Variants in CASKIN2 observed in about 807,000 individuals in gnomAD.
CASKIN2 encodes CASK interacting protein 2, also known as caskin-2.
CASKIN2 carries 41 observed loss-of-function variants against 107.1 expected under a neutral mutation model. That is an observed-to-expected ratio of 0.38 (90% CI 0.30 to 0.50). The LOEUF (loss-of-function observed/expected upper bound fraction) is 0.50, where lower values mean the gene tolerates loss of function less well. Ranked by LOEUF, CASKIN2 falls within the 20% of genes least tolerant of loss-of-function variation. The pLI is 0.92. For missense variants in CASKIN2, 1,546 were observed against 1,657.4 expected (o/e 0.93, Z 1.17); for synonymous variants, 724 against 705.6 (o/e 1.03, Z -0.41).
intron 1 of CASKIN2, 35 bp downstream of exon 1, chr17:75,515,366 G>T (rs930992604): frequency 2.0e-5 from 3 of 152,262 alleles, no homozygotes; most frequent in African/African-American, 7.2e-5. Flanking sequence ...CGCCCCCAGG[G>T]GCGCTGACCC....
Position 75,504,817 on chromosome 17 carries a change from C to T in CASKIN2, c.1187G>A (p.Ser396Asn). The T allele has an allele frequency of 6.2e-7, 1 of 1,609,644 alleles. No individual in the cohort carries two copies. Among genetic ancestry groups the T allele is most frequent in the African/African-American group, 1.3e-5 (1 of 74,964 alleles). Residue 396 changes from serine to asparagine, a missense_variant, in exon 11 of 20, where the codon AGC becomes AAC. By Grantham distance (46) the Ser-to-Asn change is conservative (BLOSUM62 1). Coordinates refer to ENST00000321617, the MANE Select transcript of CASKIN2 (RefSeq NM_020753.5). ...QLPRVGLSPD[S>N]PAGDRNSVGS... Reference sequence around the variant, plus strand: ...TGCCCCCTGGGAGGATGTACCTGGGCTGTCTGGGCTGAGGCCCACCCGAGG... The same window carrying T: ...TGCCCCCTGGGAGGATGTACCTGGGTTGTCTGGGCTGAGGCCCACCCGAGG...
intron 2 of CASKIN2, among the ~76,000 whole-genome samples, chr17:75,511,403 G>A (rs1395375521): frequency 6.6e-6 from 1 of 152,180 alleles, no homozygotes; most frequent in Non-Finnish European, 1.5e-5. Context: ...GCAGAGCACA[G>A]GGGACAGGGT....
chr17:75,501,160 C>T lies in CASKIN2; in HGVS notation c.3529G>A (p.Ala1177Thr), dbSNP rs146703288. The change falls in exon 20 of 20, where the codon GCC becomes ACC. Residue 1177 changes from alanine (A) to threonine (T), a missense_variant. Physicochemically the swap from Ala to Thr is moderately conservative, Grantham distance 58. This residue lies in a region of CASKIN2 where 1,311 missense variants were observed against 1,311.0 expected (regional missense o/e 1.00). Transcript: ENST00000321617. ...GTKEQEGTPS[A>T]STKHILDDIS... is the part of the protein sequence containing the mutation. ...TCATCCAGAATGTGCTTGGTGGAGGCGCTGGGGGTGCTGCAGCAAGGGGAA... is the reference window on the plus strand; with the variant it reads ...TCATCCAGAATGTGCTTGGTGGAGGTGCTGGGGGTGCTGCAGCAAGGGGAA... The T allele has an allele frequency of 2.3e-5, 37 of 1,587,766 alleles. No individual in the cohort carries two copies. The African/African-American group carries it at 3.1e-4, about 13-fold the overall frequency.
rs2053263156 is a variant in CASKIN2, at chr17:75,506,182, C to T, written c.726+123G>A. ...GGCACCATTCAGAAGGAAGTCAGGC[C>T]TCTTTCCTGACGCCCATGCAAAAAC... On this transcript the variant is annotated intron_variant, in intron 8 of 19. Transcript: ENST00000321617. The surrounding 1 kb of genome is among the most constrained non-coding windows in gnomAD (Gnocchi z 4.8). 3 of 862,082 alleles carry T rather than the reference C, an allele frequency of 3.5e-6. No individual in the cohort carries two copies. Among genetic ancestry groups the T allele is most frequent in the African/African-American group, 1.7e-5 (1 of 59,588 alleles). The allele number at this position is 862,082 out of a possible 1,614,324, so 53.4% of individuals were successfully genotyped here. A position where few individuals can be genotyped will look rare whatever the true frequency, so the allele number is the denominator to read the frequency against.
Position 75,505,924 on chromosome 17 carries a change from A to G in CASKIN2, c.732T>C (p.Gly244=). 3 of 1,612,978 alleles carry G rather than the reference A, an allele frequency of 1.9e-6. No homozygotes were observed. The highest frequency in any genetic ancestry group is 2.5e-6 in the Non-Finnish European group (3 of 1,179,748). ...TEVVRLLLEG[G]VDVNIRNTYN... ...ACGTATTCCGGATGTTCACGTCCACACCTCCCTGGGTGCACAGTGTCACAT... is the reference window on the plus strand; with the variant it reads ...ACGTATTCCGGATGTTCACGTCCACGCCTCCCTGGGTGCACAGTGTCACAT... The change falls in exon 9 of 20, where the codon GGT becomes GGC. Residue 244 remains glycine, a synonymous_variant. Coordinates refer to ENST00000321617, the MANE Select transcript of CASKIN2 (RefSeq NM_020753.5). This position sits in a 1 kb window ranked among gnomAD's most constrained non-coding sequence, Gnocchi z 5.1.
At chr17:75,514,331 T>G in intron 1 of CASKIN2, 123 bp from the exon 2 acceptor site, 5 of 395,636 alleles carry the variant, frequency 1.3e-5, no homozygotes, top group African/African-American at 8.3e-5. Context: ...CTGGCTCCCC[T>G]CGGAGTCGAT....
chr17:75,508,177 T>TG, intron 3 of CASKIN2, 57 bp downstream of exon 3: 1 of 1,579,924 alleles, frequency 6.3e-7, no homozygotes, highest in Non-Finnish European at 8.7e-7. Context: ...GCCCCACCCC[T>TG]GGGGCTCTAC....
chr17:75,505,442 T>C lies in CASKIN2; in HGVS notation c.930+115A>G. 1.1e-6 allele frequency: 1 copy of C among 919,630 alleles called. No individual in the cohort carries two copies. The highest frequency in any genetic ancestry group is 1.7e-6 in the Non-Finnish European group (1 of 573,118). 57.0% of individuals were successfully genotyped at this position (919,630 alleles called of 1,614,324 possible). ...TGCCTTCCCTGGCTTTAAGAAGAAT[T>C]AAATGAGGGTGCATATAGAGACCTC... On this transcript the variant is annotated intron_variant, in intron 10 of 19. Coordinates refer to ENST00000321617, the MANE Select transcript of CASKIN2 (RefSeq NM_020753.5). This position sits in a 1 kb window ranked among gnomAD's most constrained non-coding sequence, Gnocchi z 5.1.
rs766817302 is a variant in CASKIN2 at position 75,504,276 on chromosome 17, C to G, written c.1406G>C (p.Cys469Ser). 5.0e-6 allele frequency: 8 copies of G among 1,607,668 alleles called. No individual in the cohort carries two copies. The highest frequency in any genetic ancestry group is 6.8e-6 in the Non-Finnish European group (8 of 1,177,604). Residue 469 changes from cysteine to serine, a missense_variant, in exon 14 of 20, where the codon TGC becomes TCC. Physicochemically the swap from Cys to Ser is moderately radical, Grantham distance 112. Around this residue, in one of 6 missense-constraint regions of CASKIN2, gnomAD observed 1,311 missense variants for 1,311.0 expected, o/e 1.00. Transcript: ENST00000321617. ...DNLSHRPLAN[C>S]RSGEQIFTQD... The stretch of plus-strand genomic sequence containing the variant: ...GGTGAAGATCTGCTCCCCAGAGCGG[C>G]AGTTGGCCAGAGGGCGGTGGCTCAG...
intron 18 of CASKIN2, 32 bp downstream of exon 18, chr17:75,501,747 G>C (rs369746390): frequency 4.8e-5 from 74 of 1,529,488 alleles, no homozygotes; most frequent in Non-Finnish European, 6.2e-5. Flanking sequence ...AACCCTGCCA[G>C]CAGTGACTCT....
At position 75,502,145 on chromosome 17, in the gene CASKIN2, G is replaced by T; in HGVS notation, c.2929C>A (p.Pro977Thr). The T allele has an allele frequency of 1.2e-6, 2 of 1,603,440 alleles. No individual in the cohort carries two copies. Among genetic ancestry groups the T allele is most frequent in the Non-Finnish European group, 8.5e-7 (1 of 1,179,644 alleles). Residue 977 changes from proline (P) to threonine (T), a missense_variant, in exon 18 of 20, where the codon CCC becomes ACC. By Grantham distance (38) the Pro-to-Thr change is conservative. This residue lies in a region of CASKIN2 where 1,311 missense variants were observed against 1,311.0 expected (regional missense o/e 1.00). Transcript: ENST00000321617. This position sits in a 1 kb window ranked among gnomAD's most constrained non-coding sequence, Gnocchi z 4.3. ...AGPPPRETPV[P>T]PGLDFNLTES... is the part of the protein sequence containing the mutation. Reference sequence around the variant, plus strand: ...GTGAGGTTGAAATCGAGGCCGGGGGGCACGGGTGTCTCTCGGGGCGGGGGG... The same window carrying T: ...GTGAGGTTGAAATCGAGGCCGGGGGTCACGGGTGTCTCTCGGGGCGGGGGG...
In CASKIN2 at chr17:75,505,115, C is replaced by T. The variant is rs1456406241; in HGVS notation, c.931-42G>A. The T allele has an allele frequency of 1.3e-5, 20 of 1,597,882 alleles. No individual in the cohort carries two copies. Among genetic ancestry groups the T allele is most frequent in the Non-Finnish European group, 1.6e-5 (19 of 1,174,536 alleles). On this transcript the variant is annotated intron_variant, in intron 10 of 19. Transcript: ENST00000321617. This position sits in a 1 kb window ranked among gnomAD's most constrained non-coding sequence, Gnocchi z 5.1. ...GGGGCGGGGACGGTCACTCCCAGCA[C>T]CAGGCAAGTGGCAAACGGTTGTCCC...
chr17:75,505,180 T>C lies in CASKIN2; in HGVS notation c.931-107A>G. ...GGCAACCCTGGTCCAGCTCTTTCCC[T>C]ACCCCTAAGGAGCTGGCCTCTGATG... On this transcript the variant is annotated intron_variant, in intron 10 of 19. Transcript: ENST00000321617. The surrounding 1 kb of genome is among the most constrained non-coding windows in gnomAD (Gnocchi z 5.1). 1 of 1,257,330 alleles carries C rather than the reference T, an allele frequency of 8.0e-7. No individual in the cohort carries two copies. The highest frequency in any genetic ancestry group is 2.3e-5 in the East Asian group (1 of 42,996). The allele number at this position is 1,257,330 out of a possible 1,614,324, so 77.9% of individuals were successfully genotyped here.
At position 75,504,591 on chromosome 17, in the gene CASKIN2, AG is replaced by A; in HGVS notation, c.1294del (p.Leu432SerfsTer2). The A allele has an allele frequency of 6.2e-7, 1 of 1,601,796 alleles. No individual in the cohort carries two copies. The highest frequency in any genetic ancestry group is 1.3e-5 in the African/African-American group (1 of 74,852). On this transcript the variant is annotated frameshift_variant, in exon 12 of 20. Coordinates refer to ENST00000321617, the MANE Select transcript of CASKIN2 (RefSeq NM_020753.5). LOFTEE classifies it high-confidence loss of function. ...SEGTNGHGPG[L>X]LIENAQPLPS... ...TCCTACCTGGGCGTTCTCAATCAGGAGGCCAGGGCCATGGCCATTAGTGCCC... is the reference window on the plus strand; with the variant it reads ...TCCTACCTGGGCGTTCTCAATCAGGAGCCAGGGCCATGGCCATTAGTGCCC...
intron 2 of CASKIN2, among the ~76,000 whole-genome samples, chr17:75,511,238 T>C (rs1039684774): frequency 1.3e-5 from 2 of 151,908 alleles, no homozygotes; most frequent in African/African-American, 4.8e-5. Context: ...TTTTTGTATT[T>C]TTAGTAGAGA....
chr17:75,502,895 G>A lies in CASKIN2; in HGVS notation c.2179C>T (p.Pro727Ser), dbSNP rs149712924. 5.2e-6 allele frequency: 8 copies of A among 1,545,042 alleles called. No individual in the cohort carries two copies. The Admixed American group carries it at 7.7e-5, about 15-fold the overall frequency. ...PQPSGGDPSP[P>S]QERNLPEGTE... The stretch of plus-strand genomic sequence containing the variant: ...CCCTCTGGGAGGTTCCTCTCCTGGG[G>A]GGGGCTGGGATCTCCACCGCTGGGC... The change falls in exon 18 of 20, where the codon CCC becomes TCC. Residue 727 changes from proline (P) to serine (S), a missense_variant. Coordinates refer to ENST00000321617, the MANE Select transcript of CASKIN2 (RefSeq NM_020753.5). This position sits in a 1 kb window ranked among gnomAD's most constrained non-coding sequence, Gnocchi z 4.3.
At chr17:75,503,312 G>T (rs892620143) in intron 17 of CASKIN2, 58 bp from the exon 18 acceptor site, 1 of 1,577,330 alleles carries the variant, frequency 6.3e-7, no homozygotes, top group Non-Finnish European at 8.6e-7. Flanking sequence ...CCTGGTCACC[G>T]CTGGGCCCCA....
chr17:75,510,302 T>C (rs945783644), intron 2 of CASKIN2, among the ~76,000 whole-genome samples: 2 of 152,160 alleles, frequency 1.3e-5, no homozygotes, highest in African/African-American at 4.8e-5. Flanking sequence ...GGGCAGGGAA[T>C]TGGCCTGATA....
At position 75,505,756 on chromosome 17, in the gene CASKIN2, C is replaced by A; in HGVS notation, c.835+65G>T. 6.4e-7 allele frequency: 1 copy of A among 1,574,710 alleles called. No homozygotes were observed. Among genetic ancestry groups the A allele is most frequent in the Non-Finnish European group, 8.7e-7 (1 of 1,149,692 alleles). On this transcript the variant is annotated intron_variant, in intron 9 of 19. Transcript: ENST00000321617. This position sits in a 1 kb window ranked among gnomAD's most constrained non-coding sequence, Gnocchi z 5.1. The stretch of plus-strand genomic sequence containing the variant: ...TCCCCCAGGGACGTCCACTCCCCCT[C>A]CACATCCTGGTACCACTTGAGCGGC...
Sources: allele counts gnomAD v4.1 joint callset (sites outside exome capture counted in the v4.1 genomes callset), GRCh38; gene constraint gnomAD v4.1.1; regional missense constraint gnomAD v4.1.1; non-coding constraint Gnocchi (gnomAD v3.1); transcripts MANE v1.5; gene names NCBI Gene and HGNC (gene_info 2026-07-23, HGNC 2026-07-21).